The following SLAIN1 variants were observed in gnomAD, a reference collection of about 807,000 sequenced individuals.
SLAIN1 encodes the protein SLAIN motif-containing protein 1.
A neutral mutation model predicts 55.4 loss-of-function variants in SLAIN1; 17 were observed. The ratio of observed to expected loss-of-function variants is 0.31; its 90% CI spans 0.21 to 0.46. The LOEUF (loss-of-function observed/expected upper bound fraction) is 0.46, where lower values mean the gene tolerates loss of function less well. SLAIN1 is among the 20% of genes least tolerant of loss of function. The probability of loss-of-function intolerance (pLI) is 1.00; values close to 1 mark genes in which losing one functional copy is unlikely to be tolerated. For synonymous variants in SLAIN1, 348 were observed against 337.4 expected, an observed-to-expected ratio of 1.03 and a Z score of -0.35; for missense variants, 682 against 785.1, an observed-to-expected ratio of 0.87 and a Z score of 1.57.
chr13:77,747,598 G>C (rs1482379765), intron 4 of SLAIN1, among the ~76,000 whole-genome samples: 1 of 152,122 alleles, frequency 6.6e-6, no homozygotes, highest in African/African-American at 2.4e-5. Flanking sequence ...GAGGTTGTAA[G>C]CATGAATGAT....
Position 77,698,473 on chromosome 13 carries a change from T to A in SLAIN1, c.560T>A (p.Leu187Gln). Residue 187 changes from leucine to glutamine, a missense_variant, in exon 1 of 7, where the codon CTG (leucine) becomes CAG (glutamine). Physicochemically the swap from Leu to Gln is moderately radical, Grantham distance 113. Coordinates refer to ENST00000418532, the MANE Select transcript of SLAIN1 (RefSeq NM_001242868.2). The surrounding 1 kb of genome is among the most constrained non-coding windows in gnomAD (Gnocchi z 4.1). ...CCGCCCTCGCCGCCCCCCACGCTGC[T>A]GGACGAGGTGGAATTGCTGGATCTG... is the stretch of plus-strand genomic sequence containing the variant. ...AAPPSPPPTLLDEVELLDLES... is the reference protein window; with the variant it reads ...AAPPSPPPTLQDEVELLDLES... 1 of 1,455,124 alleles carries A rather than the reference T, an allele frequency of 6.9e-7. No homozygotes were observed. The highest frequency in any genetic ancestry group is 9.0e-7 in the Non-Finnish European group (1 of 1,109,380). The allele number at this position is 1,455,124 out of a possible 1,614,324, so 90.1% of individuals were successfully genotyped here.
chr13:77,744,402 G>A lies in SLAIN1; in HGVS notation c.886G>A (p.Val296Ile). The A allele has an allele frequency of 6.2e-7, 1 of 1,612,660 alleles. No homozygotes were observed. Among genetic ancestry groups the A allele is most frequent in the Non-Finnish European group, 8.5e-7 (1 of 1,179,250 alleles). ...MGYKLQDLTDVQIMARLQEES... is the reference protein window; with the variant it reads ...MGYKLQDLTDIQIMARLQEES... ...ATATAAATTACAGGACCTCACTGAT[G>A]TTCAGATCATGGCTCGTCTGCAAGA... Residue 296 changes from valine to isoleucine, a missense_variant, in exon 3 of 7, where the codon GTT (valine) becomes ATT (isoleucine). By Grantham distance (29) the Val-to-Ile change is conservative (BLOSUM62 3). Coordinates refer to ENST00000418532, the MANE Select transcript of SLAIN1 (RefSeq NM_001242868.2).
intron 1 of SLAIN1, among the ~76,000 whole-genome samples, chr13:77,702,978 G>T (rs1327648522): frequency 1.3e-5 from 2 of 152,140 alleles, no homozygotes; most frequent in African/African-American, 4.8e-5. Flanking sequence ...AGGTGGAAAA[G>T]CACTGAAGAT....
intron 4 of SLAIN1, among the ~76,000 whole-genome samples, chr13:77,748,647 G>C (rs965028681): frequency 1.3e-5 from 2 of 152,072 alleles, no homozygotes; most frequent in African/African-American, 2.4e-5. Context: ...TCACAGTTTA[G>C]GTCCCTTTAT....
In SLAIN1 at chr13:77,719,620, A is replaced by C. The variant is rs1050888505; in HGVS notation, c.715A>C (p.Thr239Pro). ...GTGTAGACATGTCCTAGATAACCCAACTCCTGAGATGGAAGCAGCGAGACG... is the reference window on the plus strand; with the variant it reads ...GTGTAGACATGTCCTAGATAACCCACCTCCTGAGATGGAAGCAGCGAGACG... ...QWCRHVLDNP[T>P]PEMEAARRSL... The change falls in exon 2 of 7, where the codon ACT (threonine) becomes CCT (proline). Residue 239 changes from threonine to proline, a missense_variant. This residue lies in a region of SLAIN1 where 401 missense variants were observed against 417.3 expected (regional missense o/e 0.96). Transcript: ENST00000418532. 6.8e-6 allele frequency: 11 copies of C among 1,613,476 alleles called. No homozygotes were observed. Among genetic ancestry groups the C allele is most frequent in the South Asian group, 1.1e-5 (1 of 91,048 alleles).
intron 2 of SLAIN1, among the ~76,000 whole-genome samples, chr13:77,732,444 G>C (rs1872918022): frequency 6.6e-6 from 1 of 152,042 alleles, no homozygotes; most frequent in Non-Finnish European, 1.5e-5. Context: ...ATTCTAGCTG[G>C]TTGTCAGCTT....
chr13:77,763,442 T>G lies in SLAIN1; in HGVS notation c.*222T>G, dbSNP rs764989780. 9.3e-6 allele frequency: 5 copies of G among 537,164 alleles called. No individual in the cohort carries two copies. Among genetic ancestry groups the G allele is most frequent in the Non-Finnish European group, 1.7e-5 (5 of 302,888 alleles). The allele number at this position is 537,164 out of a possible 1,614,324, so 33.3% of individuals were successfully genotyped here. On this transcript the variant is annotated 3_prime_UTR_variant, in exon 7 of 7. Coordinates refer to ENST00000418532, the MANE Select transcript of SLAIN1 (RefSeq NM_001242868.2). ...TCTCAAACCCATGGTTGCAGTATTG[T>G]GACACTTAGATCTAGGAAGTTTTTG...
In SLAIN1 at chr13:77,763,694, TATTTC is replaced by T. The variant is rs1223361018; in HGVS notation, c.*475_*479del. The T allele has an allele frequency of 6.5e-6, 1 of 153,710 alleles. No homozygotes were observed. Among genetic ancestry groups the T allele is most frequent in the South Asian group, 2.0e-4 (1 of 4,886 alleles). 9.5% of individuals were successfully genotyped at this position (153,710 alleles called of 1,614,324 possible). A position where few individuals can be genotyped will look rare whatever the true frequency, so the allele number is the denominator to read the frequency against. ...TTACAGGAATTTTATTTTTTGTGCC[TATTTC>T]TTTTTACACCTATGTGAACCACTAT... On this transcript the variant is annotated 3_prime_UTR_variant, in exon 7 of 7. Coordinates refer to ENST00000418532, the MANE Select transcript of SLAIN1 (RefSeq NM_001242868.2).
At chr13:77,747,010 T>C (rs1873877068) in intron 4 of SLAIN1, among the ~76,000 whole-genome samples, 155 bp downstream of exon 4, 1 of 152,188 alleles carries the variant, frequency 6.6e-6, no homozygotes. Context: ...CACTGCAACC[T>C]CCACCTCCTA....
chr13:77,723,842 G>A (rs2091283981), intron 2 of SLAIN1, among the ~76,000 whole-genome samples: 1 of 151,760 alleles, frequency 6.6e-6, no homozygotes, highest in African/African-American at 2.4e-5. Context: ...CTGTGGGTCA[G>A]AATCGCCTAG....
chr13:77,760,338 T>A (rs2154411060), intron 5 of SLAIN1, among the ~76,000 whole-genome samples: 1 of 152,310 alleles, frequency 6.6e-6, no homozygotes, highest in South Asian at 2.1e-4. Context: ...GCCCAGCAAC[T>A]CAGATAGATA....
intron 3 of SLAIN1, among the ~76,000 whole-genome samples, 187 bp from the exon 4 acceptor site, chr13:77,746,327 G>A (rs1446086439): frequency 1.3e-5 from 2 of 152,088 alleles, no homozygotes; most frequent in Non-Finnish European, 2.9e-5. Context: ...TCCAATATTA[G>A]ATATCTGTTT....
intron 3 of SLAIN1, among the ~76,000 whole-genome samples, chr13:77,744,978 C>G (rs2154410441): frequency 6.6e-6 from 1 of 152,118 alleles, no homozygotes; most frequent in South Asian, 2.1e-4. Context: ...AAAATTTGAT[C>G]ATAAGAGAGT....
intron 2 of SLAIN1, among the ~76,000 whole-genome samples, chr13:77,735,143 A>G (rs1873057353): frequency 6.6e-6 from 1 of 152,194 alleles, no homozygotes. Context: ...GCAGGCTTTC[A>G]TCCTGTACCC....
intron 3 of SLAIN1, 129 bp from the exon 4 acceptor site, chr13:77,746,385 A>T: frequency 1.4e-6 from 1 of 731,570 alleles, no homozygotes; most frequent in Non-Finnish European, 2.2e-6. Context: ...AATTTAGTAA[A>T]CTTGAGAACA....
intron 6 of SLAIN1, among the ~76,000 whole-genome samples, chr13:77,762,917 T>A (rs1875153193): frequency 6.6e-6 from 1 of 152,218 alleles, no homozygotes; most frequent in Non-Finnish European, 1.5e-5. Flanking sequence ...TTGCAAATTT[T>A]CTTGTGCAAA....
At chr13:77,732,582 A>G (rs912423874) in intron 2 of SLAIN1, among the ~76,000 whole-genome samples, 1 of 152,158 alleles carries the variant, frequency 6.6e-6, no homozygotes, top group Non-Finnish European at 1.5e-5. Flanking sequence ...AGTTTGATTT[A>G]AACTATAGCA....
chr13:77,698,180 C>T lies in SLAIN1; in HGVS notation c.267C>T (p.Thr89=), dbSNP rs1380716022. Residue 89 remains threonine, a synonymous_variant, in exon 1 of 7, where the codon ACC becomes ACT. Coordinates refer to ENST00000418532, the MANE Select transcript of SLAIN1 (RefSeq NM_001242868.2). The surrounding 1 kb of genome is among the most constrained non-coding windows in gnomAD (Gnocchi z 4.1). ...GPRSPPAATA[T]AAASGGLGLG... ...GGAGCCCCCCGGCCGCCACGGCCAC[C>T]GCCGCGGCCTCAGGGGGCCTGGGGC... The T allele has an allele frequency of 3.4e-6, 4 of 1,187,502 alleles. No homozygotes were observed. The highest frequency in any genetic ancestry group is 4.2e-6 in the Non-Finnish European group (4 of 960,940). 73.6% of individuals were successfully genotyped at this position (1,187,502 alleles called of 1,614,324 possible).
At chr13:77,702,824 C>T (rs1486870692) in intron 1 of SLAIN1, among the ~76,000 whole-genome samples, 1 of 152,096 alleles carries the variant, frequency 6.6e-6, no homozygotes, top group Non-Finnish European at 1.5e-5. Flanking sequence ...AATAGAAAAT[C>T]AGAGTTTATC....
Sources: gnomAD v4.1 joint callset for allele counts (sites outside exome capture counted in the v4.1 genomes callset) on GRCh38, gnomAD v4.1.1 for gene constraint, gnomAD v4.1.1 regional missense constraint, Gnocchi (gnomAD v3.1) non-coding constraint, MANE v1.5 for transcripts, NCBI Gene and HGNC (gene_info 2026-07-23, HGNC 2026-07-21) for gene names.